The following DZANK1 variants were observed in gnomAD, a reference collection of about 807,000 sequenced individuals.
DZANK1 encodes double zinc ribbon and ankyrin repeat-containing protein 1.
A neutral mutation model predicts 94.5 loss-of-function variants in DZANK1; 91 were observed. The ratio of observed to expected loss-of-function variants is 0.96; its 90% CI spans 0.81 to 1.15. The LOEUF (loss-of-function observed/expected upper bound fraction) is 1.15, where lower values mean the gene tolerates loss of function less well. DZANK1 is among the 50% of genes most tolerant of loss of function. The probability of loss-of-function intolerance (pLI) is 0.00; values close to 1 mark genes in which losing one functional copy is unlikely to be tolerated. For synonymous variants in DZANK1, 312 were observed against 325.3 expected (o/e 0.96, Z 0.44); for missense variants, 903 against 916.4 (o/e 0.99, Z 0.19).
In DZANK1 at chr20:18,411,990, AAGGCACTGATCTATTCATG is replaced by A. The variant is rs1398324020; in HGVS notation, c.1432+637_1432+655del. Among the ~76,000 whole-genome samples the A allele has an allele frequency of 2.0e-5, 3 of 152,288 alleles. No individual in the cohort carries two copies. The East Asian group carries it at 5.8e-4, about 29-fold the overall frequency. ...AACTCATTCCCTCCAGCCCTTTCAT[AAGGCACTGATCTATTCATG>A]AGGGCTCCATCCTCATGATCAATTT... On this transcript the variant is annotated intron_variant, in intron 13 of 20. Coordinates refer to ENST00000262547, the Ensembl canonical transcript of DZANK1.
chr20:18,441,141 A>G lies in DZANK1; in HGVS notation c.747+2206T>C, dbSNP rs1764156517. ...TTTGTAGTCATTGTCACTGTCATAG[A>G]GTCAAGTGCAGCAGTTACTTGGCCA... On this transcript the variant is annotated intron_variant, in intron 8 of 20. Coordinates refer to ENST00000262547, the Ensembl canonical transcript of DZANK1. The surrounding 1 kb of genome is among the most constrained non-coding windows in gnomAD (Gnocchi z 4.1). Among the ~76,000 whole-genome samples the G allele has an allele frequency of 6.6e-6, 1 of 152,132 alleles. No individual in the cohort carries two copies. The highest frequency in any genetic ancestry group is 1.5e-5 in the Non-Finnish European group (1 of 68,026).
chr20:18,424,471 A>T (rs2057938795), intron 10 of DZANK1, among the ~76,000 whole-genome samples: 1 of 145,400 alleles, frequency 6.9e-6, no homozygotes, highest in South Asian at 2.1e-4. Flanking sequence ...AACAACAACA[A>T]AAAAAAAAAA....
chr20:18,389,793 T>C, exon 19 of DZANK1: 1 of 1,613,932 alleles, frequency 6.2e-7, no homozygotes, highest in Non-Finnish European at 8.5e-7. Flanking sequence ...TTATGACGGG[T>C]CGATTGTCTT....
intron 1 of DZANK1, 39 bp from the exon 2 acceptor site, chr20:18,465,416 A>C (rs1185162215): frequency 1.1e-6 from 1 of 950,136 alleles, no homozygotes; most frequent in Non-Finnish European, 1.5e-6. Flanking sequence ...ATGTACACAA[A>C]AGCTGAAGAG....
At chr20:18,422,735 T>G (rs1235148539) in intron 10 of DZANK1, among the ~76,000 whole-genome samples, 3 of 151,492 alleles carry the variant, frequency 2.0e-5, no homozygotes, top group Non-Finnish European at 4.4e-5. Flanking sequence ...CTATTTCAGA[T>G]AAGTGATACT....
chr20:18,411,119 T>C (rs1163613784), intron 13 of DZANK1, among the ~76,000 whole-genome samples: 1 of 152,048 alleles, frequency 6.6e-6, no homozygotes, highest in Admixed American at 6.6e-5. Flanking sequence ...AAAGTCAACT[T>C]AAAGTAAGAA....
intron 3 of DZANK1, among the ~76,000 whole-genome samples, chr20:18,459,308 T>A (rs1050831148): frequency 1.3e-5 from 2 of 152,242 alleles, no homozygotes; most frequent in Non-Finnish European, 1.5e-5. Context: ...GGGGTTGTTT[T>A]GTTTCATTTT....
At chr20:18,384,395 A>G (rs764722955) in exon 21 of DZANK1, 2 of 1,607,334 alleles carry the variant, frequency 1.2e-6, no homozygotes, top group Non-Finnish European at 1.7e-6. Flanking sequence ...TGGAGGCCTC[A>G]GGGCTAACAG....
chr20:18,418,376 A>G (rs959425241), intron 10 of DZANK1, among the ~76,000 whole-genome samples: 1 of 152,194 alleles, frequency 6.6e-6, no homozygotes, highest in Admixed American at 6.5e-5. Flanking sequence ...TTCTCTGTGT[A>G]TTCAGATCTT....
At chr20:18,384,955 C>T in intron 20 of DZANK1, 61 bp downstream of exon 20, 2 of 1,469,430 alleles carry the variant, frequency 1.4e-6, no homozygotes, top group Non-Finnish European at 1.9e-6. Context: ...AAAATCATCA[C>T]AGGCCATTAG....
intron 14 of DZANK1, among the ~76,000 whole-genome samples, chr20:18,397,291 A>C (rs1384950059): frequency 2.0e-5 from 3 of 152,202 alleles, no homozygotes; most frequent in Non-Finnish European, 4.4e-5. Context: ...GATCGTCTTG[A>C]TGTTGGCCTA....
chr20:18,454,334 T>C, intron 4 of DZANK1: 1 of 244,874 alleles, frequency 4.1e-6, no homozygotes, highest in South Asian at 4.1e-5. Context: ...GTGTAGATCC[T>C]TGCCTTGATC....
chr20:18,400,705 T>C (rs958720725), intron 13 of DZANK1, among the ~76,000 whole-genome samples: 1 of 152,206 alleles, frequency 6.6e-6, no homozygotes, highest in Non-Finnish European at 1.5e-5. Context: ...GAGATCATAC[T>C]GAGCCTAGTG....
chr20:18,452,647 A>T (rs775647484), exon 6 of DZANK1: 4 of 1,602,234 alleles, frequency 2.5e-6, no homozygotes, highest in Admixed American at 3.4e-5. Context: ...CTAGAACCTG[A>T]TCCTCCACCA....
At chr20:18,456,112 C>T (rs1412299713) in intron 3 of DZANK1, among the ~76,000 whole-genome samples, 1 of 152,192 alleles carries the variant, frequency 6.6e-6, no homozygotes, top group Non-Finnish European at 1.5e-5. Context: ...ATAAAGATAT[C>T]AGACCATAAG....
intron 7 of DZANK1, among the ~76,000 whole-genome samples, chr20:18,444,278 T>G (rs939034305): frequency 3.3e-5 from 5 of 152,238 alleles, no homozygotes; most frequent in African/African-American, 1.2e-4. Flanking sequence ...CACCAAGGTT[T>G]CACCATCTCT....
At chr20:18,390,190 T>C (rs1418353977) in intron 18 of DZANK1, among the ~76,000 whole-genome samples, 189 bp downstream of exon 18, 1 of 152,256 alleles carries the variant, frequency 6.6e-6, no homozygotes, top group Non-Finnish European at 1.5e-5. Context: ...CTATTTTCTC[T>C]GATATAAAAA....
chr20:18,412,641 C>G lies in DZANK1; in HGVS notation c.1432+5G>C, dbSNP rs1473326266. 4 of 1,612,190 alleles carry G rather than the reference C, an allele frequency of 2.5e-6. No homozygotes were observed. The highest frequency in any genetic ancestry group is 3.4e-6 in the Non-Finnish European group (4 of 1,179,616). ...GACCAGAAGAAAGGGCATCCTCCCC[C>G]TTACCTCTTCCTGGGCTGATGGCTG... On this transcript the variant is annotated splice_donor_5th_base_variant and intron_variant, in intron 13 of 20. Coordinates refer to ENST00000262547, the Ensembl canonical transcript of DZANK1.
exon 21 of DZANK1, chr20:18,384,367 T>C (rs1167668171): frequency 1.9e-6 from 3 of 1,584,758 alleles, no homozygotes; most frequent in South Asian, 2.3e-5. Context: ...CATGCACGTA[T>C]TCTTAAATGA....
Sources: allele counts gnomAD v4.1 joint callset (sites outside exome capture counted in the v4.1 genomes callset), GRCh38; gene constraint gnomAD v4.1.1; non-coding constraint Gnocchi (gnomAD v3.1); transcripts MANE v1.5; gene names NCBI Gene and HGNC (gene_info 2026-07-23, HGNC 2026-07-21).